IDH1: variants seen among roughly 807,000 people sequenced by gnomAD.
The protein encoded by IDH1 is isocitrate dehydrogenase [NADP] cytoplasmic.
A neutral mutation model predicts 46.1 loss-of-function variants in IDH1; 33 were observed. The observed-to-expected ratio is 0.72, with a 90% CI of 0.54 to 0.96. The LOEUF is 0.96. Ranked by LOEUF, IDH1 falls within the 40% of genes least tolerant of loss-of-function variation. The pLI is 0.00. For synonymous variants in IDH1, 144 were observed against 172.8 expected (o/e 0.83, Z 1.31); for missense variants, 421 against 515.7 (o/e 0.82, Z 1.78).
At chr2:208,248,936 T>G (rs568481376) in intron 3 of IDH1, among the ~76,000 whole-genome samples, 4 of 152,330 alleles carry the variant, frequency 2.6e-5, no homozygotes, top group African/African-American at 9.6e-5. Context: ...CTCTGCCCTT[T>G]GCCTCCTGTT....
chr2:208,250,546 T>G (rs1250778051), intron 3 of IDH1, among the ~76,000 whole-genome samples: 1 of 152,232 alleles, frequency 6.6e-6, no homozygotes. Flanking sequence ...GCCAATAGTT[T>G]GGCTGAAACG....
chr2:208,248,242 C>T, intron 4 of IDH1, 127 bp downstream of exon 4: 1 of 785,966 alleles, frequency 1.3e-6, no homozygotes, highest in Non-Finnish European at 2.1e-6. Flanking sequence ...ATATGCATTT[C>T]TCAATTTCAT....
At chr2:208,251,369 C>A in intron 3 of IDH1, 61 bp downstream of exon 3, 1 of 1,598,050 alleles carries the variant, frequency 6.3e-7, no homozygotes, top group Non-Finnish European at 8.6e-7. Context: ...CACGTGTGCA[C>A]CACCATGCCC....
chr2:208,241,778 C>A (rs1687923315), intron 7 of IDH1, among the ~76,000 whole-genome samples: 1 of 152,128 alleles, frequency 6.6e-6, no homozygotes, highest in African/African-American at 2.4e-5. Context: ...GACACTGGAG[C>A]CAGGAGTGTC....
intron 4 of IDH1, among the ~76,000 whole-genome samples, chr2:208,247,187 T>C (rs1357230898): frequency 1.3e-5 from 2 of 152,202 alleles, no homozygotes; most frequent in Non-Finnish European, 2.9e-5. Flanking sequence ...CTGTTTTCAA[T>C]GATGGCTACA....
chr2:208,246,677 G>A (rs1451103810), intron 4 of IDH1, among the ~76,000 whole-genome samples: 1 of 150,410 alleles, frequency 6.6e-6, no homozygotes, highest in Non-Finnish European at 1.5e-5. Context: ...ATGGTGGCAT[G>A]CCTGTAATCC....
In IDH1 at chr2:208,249,193, CTT is replaced by C. The variant is rs536892104; in HGVS notation, c.123-535_123-534del. Among the ~76,000 whole-genome samples, 238 of 140,664 alleles carry C rather than the reference CTT, an allele frequency of 1.7e-3. 1 individual carries two copies. Among genetic ancestry groups the C allele is most frequent in the African/African-American group, 5.2e-3 (200 of 38,122 alleles). 92.3% of individuals were successfully genotyped at this position (140,664 alleles called of 152,430 possible). ...AGTTAGTCATAAAATGAGCCTTTCCCTTTTTTTTTTTTTTTTAGATGAGTCTC... is the reference window on the plus strand; with the variant it reads ...AGTTAGTCATAAAATGAGCCTTTCCCTTTTTTTTTTTTTTAGATGAGTCTC... On this transcript the variant is annotated intron_variant, in intron 3 of 9. Coordinates refer to ENST00000345146, the MANE Select transcript of IDH1 (RefSeq NM_005896.4).
At chr2:208,238,801 G>A (rs191864560) in intron 9 of IDH1, among the ~76,000 whole-genome samples, 1 of 152,270 alleles carries the variant, frequency 6.6e-6, no homozygotes, top group Admixed American at 6.5e-5. Context: ...AAGTTTGATT[G>A]GTACCAGCCA....
chr2:208,247,943 T>A (rs998180457), intron 4 of IDH1: 2 of 239,998 alleles, frequency 8.3e-6, no homozygotes, highest in Non-Finnish European at 1.6e-5. Flanking sequence ...AGGGTGGTAC[T>A]CAAGCATTGA....
At chr2:208,237,570 C>T (rs967097630) in intron 9 of IDH1, among the ~76,000 whole-genome samples, 10 of 152,006 alleles carry the variant, frequency 6.6e-5, no homozygotes, top group African/African-American at 1.9e-4. Context: ...TCCCACAAAC[C>T]GTTACATGTC....
intron 4 of IDH1, 124 bp from the exon 5 acceptor site, chr2:208,245,548 T>TC (rs1206839054): frequency 3.4e-5 from 17 of 501,118 alleles, no homozygotes; most frequent in African/African-American, 3.3e-4. Context: ...TCAAACTTCT[T>TC]TTTTTTTTTT....
intron 8 of IDH1, 43 bp downstream of exon 8, chr2:208,239,820 G>T (rs772356149): frequency 6.2e-7 from 1 of 1,609,286 alleles, no homozygotes; most frequent in Non-Finnish European, 8.5e-7. Context: ...GGCTGCTTTG[G>T]AGAGCACTCT....
rs373048968 is a variant in IDH1, at chr2:208,242,108, A to G, written c.736T>C (p.Tyr246His). Residue 246 changes from tyrosine to histidine, a missense_variant, in exon 7 of 10, where the codon TAT (tyrosine) becomes CAT (histidine). Transcript: ENST00000345146. Reference protein sequence around the residue: ...KSQFEAQKIWYEHRLIDDMVA... With the variant: ...KSQFEAQKIWHEHRLIDDMVA... ...ATGTCGTCGATGAGCCTATGCTCATACCAGATCTTTTGAGCTTCAAACTGG... is the reference window on the plus strand; with the variant it reads ...ATGTCGTCGATGAGCCTATGCTCATGCCAGATCTTTTGAGCTTCAAACTGG... 2 of 1,613,872 alleles carry G rather than the reference A, an allele frequency of 1.2e-6. No homozygotes were observed. The highest frequency in any genetic ancestry group is 1.7e-6 in the Non-Finnish European group (2 of 1,179,854).
Position 208,242,083 on chromosome 2 carries a change from A to G in IDH1, c.761T>C (p.Met254Thr). Residue 254 changes from methionine to threonine, a missense_variant, in exon 7 of 10, where the codon ATG (methionine) becomes ACG (threonine). Transcript: ENST00000345146. Reference protein sequence around the residue: ...IWYEHRLIDDMVAQAMKSEGG... With the variant: ...IWYEHRLIDDTVAQAMKSEGG... ...CTCTGATTTCATAGCTTGGGCCACC[A>G]TGTCGTCGATGAGCCTATGCTCATA... The G allele has an allele frequency of 1.2e-6, 2 of 1,613,744 alleles. No homozygotes were observed. The highest frequency in any genetic ancestry group is 1.7e-6 in the Non-Finnish European group (2 of 1,179,848).
intron 3 of IDH1, among the ~76,000 whole-genome samples, chr2:208,250,635 G>C (rs565556791): frequency 1.3e-5 from 2 of 152,052 alleles, no homozygotes; most frequent in African/African-American, 4.8e-5. Context: ...AAGGTACAAA[G>C]AACAGAAGCA....
At position 208,237,050 on chromosome 2, in the gene IDH1, C is replaced by A; in HGVS notation, c.*29G>T. On this transcript the variant is annotated 3_prime_UTR_variant, in exon 10 of 10. Transcript: ENST00000345146. ...ACCTGTAGACCTAGTTACCAAAAGA[C>A]AATTATCCTTCTTAGCTCAGGTATG... is the stretch of plus-strand genomic sequence containing the variant. 7.8e-7 allele frequency: 1 copy of A among 1,285,258 alleles called. No individual in the cohort carries two copies. The highest frequency in any genetic ancestry group is 1.2e-5 in the South Asian group (1 of 82,440). The allele number at this position is 1,285,258 out of a possible 1,614,324, so 79.6% of individuals were successfully genotyped here. A position where few individuals can be genotyped will look rare whatever the true frequency, so the allele number is the denominator to read the frequency against.
In IDH1 at chr2:208,237,073, A is replaced by G. The variant is rs748768472; in HGVS notation, c.*6T>C. On this transcript the variant is annotated 3_prime_UTR_variant, in exon 10 of 10. Coordinates refer to ENST00000345146, the MANE Select transcript of IDH1 (RefSeq NM_005896.4). ...GACAATTATCCTTCTTAGCTCAGGT[A>G]TGAACTTAAAGTTTGGCCTGAGCTA... 58 of 1,503,952 alleles carry G rather than the reference A, an allele frequency of 3.9e-5. No homozygotes were observed. Among genetic ancestry groups the G allele is most frequent in the Non-Finnish European group, 5.0e-5 (54 of 1,081,538 alleles). 93.2% of individuals were successfully genotyped at this position (1,503,952 alleles called of 1,614,324 possible).
intron 9 of IDH1, among the ~76,000 whole-genome samples, chr2:208,238,091 A>G (rs1372229214): frequency 6.8e-6 from 1 of 147,712 alleles, no homozygotes; most frequent in Non-Finnish European, 1.5e-5. Context: ...GCTGGAGTGC[A>G]GTGGCACCAT....
chr2:208,250,989 A>T (rs1675524868), intron 3 of IDH1, among the ~76,000 whole-genome samples: 1 of 152,172 alleles, frequency 6.6e-6, no homozygotes, highest in African/African-American at 2.4e-5. Context: ...CCACTGTTTT[A>T]TTACAAATAA....
Sources: allele counts gnomAD v4.1 joint callset (sites outside exome capture counted in the v4.1 genomes callset), GRCh38; gene constraint gnomAD v4.1.1; transcripts MANE v1.5; gene names NCBI Gene and HGNC (gene_info 2026-07-23, HGNC 2026-07-21).